CAMTA1: variants seen among roughly 807,000 people sequenced by gnomAD.
The protein encoded by CAMTA1 is calmodulin-binding transcription activator 1.
Under a neutral mutation model 170.9 loss-of-function variants are expected in CAMTA1, and 27 were observed. The observed-to-expected ratio is 0.16, with a 90% CI of 0.12 to 0.22. The LOEUF (loss-of-function observed/expected upper bound fraction) is 0.22, where lower values mean the gene tolerates loss of function less well. Among genes scored for constraint, CAMTA1 ranks in the 10% least tolerant of loss-of-function variants. The pLI, the probability that CAMTA1 is intolerant of heterozygous loss-of-function variation, is 1.00. For synonymous variants in CAMTA1, 833 were observed against 891.5 expected (o/e 0.93, Z 1.17); for missense variants, 1,619 against 2,217.2 (o/e 0.73, Z 5.42).
Position 6,918,618 on chromosome 1 carries a change from C to T in CAMTA1, c.234+93408C>T, listed in dbSNP as rs757902228. Among the ~76,000 whole-genome samples, 5 of 152,228 alleles carry T rather than the reference C, an allele frequency of 3.3e-5. No homozygotes were observed. Among genetic ancestry groups the T allele is most frequent in the Non-Finnish European group, 4.4e-5 (3 of 68,038 alleles). On this transcript the variant is annotated intron_variant, in intron 3 of 22. Coordinates refer to ENST00000303635, the MANE Select transcript of CAMTA1 (RefSeq NM_015215.4). The surrounding 1 kb of genome is among the most constrained non-coding windows in gnomAD (Gnocchi z 4.0). ...AGCCTGCCTTGCCGACAGCACCTCC[C>T]GAGGAACTCAGAACTTCCCCCGTGG...
chr1:7,768,231 G>T lies in CAMTA1; in HGVS notation c.*1740G>T, dbSNP rs200009339. The stretch of plus-strand genomic sequence containing the variant: ...AATAAAATTGCACAAAAAAAAAAAT[G>T]AAAAAGATGCAGACTGGTCTTTTAG... On this transcript the variant is annotated 3_prime_UTR_variant, in exon 23 of 23. Coordinates refer to ENST00000303635, the MANE Select transcript of CAMTA1 (RefSeq NM_015215.4). 1 of 147,742 alleles carries T rather than the reference G, an allele frequency of 6.8e-6. No homozygotes were observed. The highest frequency in any genetic ancestry group is 2.5e-5 in the African/African-American group (1 of 40,026). The allele number at this position is 147,742 out of a possible 1,614,324, so 9.2% of individuals were successfully genotyped here. A position where few individuals can be genotyped will look rare whatever the true frequency, so the allele number is the denominator to read the frequency against.
At position 7,065,141 on chromosome 1, in the gene CAMTA1, G is replaced by T. The variant is rs1032167873; in HGVS notation, c.235-26163G>T. Among the ~76,000 whole-genome samples the T allele has an allele frequency of 6.6e-6, 1 of 152,172 alleles. No homozygotes were observed. The highest frequency in any genetic ancestry group is 1.5e-5 in the Non-Finnish European group (1 of 68,040). On this transcript the variant is annotated intron_variant, in intron 3 of 22. Transcript: ENST00000303635. This position sits in a 1 kb window ranked among gnomAD's most constrained non-coding sequence, Gnocchi z 5.2. ...GGCCACATAGGCTAGCAGATCCTGG[G>T]CCAGGAGCTCCCAGAAGGACCTAGG...
intron 11 of CAMTA1, among the ~76,000 whole-genome samples, chr1:7,728,646 G>T (rs2096709320): frequency 6.6e-6 from 1 of 152,238 alleles, no homozygotes; most frequent in African/African-American, 2.4e-5. Context: ...ATCAATGGTT[G>T]TCTGGCTTAG....
At chr1:7,417,188 TG>T (rs1331209821) in intron 5 of CAMTA1, among the ~76,000 whole-genome samples, 1 of 152,246 alleles carries the variant, frequency 6.6e-6, no homozygotes, top group Non-Finnish European at 1.5e-5. Context: ...CTGCCCCTAC[TG>T]GGGGGTGCCT....
At chr1:7,722,590 G>A (rs536664565) in intron 11 of CAMTA1, among the ~76,000 whole-genome samples, 28 of 152,194 alleles carry the variant, frequency 1.8e-4, no homozygotes, top group Admixed American at 1.1e-3. Context: ...TGGAAACTAA[G>A]AATTGAAGTA....
At chr1:7,260,541 A>AG (rs1668014363) in intron 5 of CAMTA1, among the ~76,000 whole-genome samples, 1 of 152,236 alleles carries the variant, frequency 6.6e-6, no homozygotes, top group East Asian at 1.9e-4. Context: ...GGGCAGGGCT[A>AG]GTCCCAGTGA....
intron 3 of CAMTA1, among the ~76,000 whole-genome samples, chr1:7,033,800 G>T (rs920256284): frequency 1.3e-5 from 2 of 151,954 alleles, no homozygotes; most frequent in Admixed American, 6.6e-5. Flanking sequence ...TACCATGTTG[G>T]CCAGGCTGGT....
chr1:7,699,919 A>G (rs1465513425), intron 11 of CAMTA1, among the ~76,000 whole-genome samples: 1 of 152,160 alleles, frequency 6.6e-6, no homozygotes, highest in Non-Finnish European at 1.5e-5. Context: ...TTTATATTTG[A>G]GATACAAGTC....
chr1:7,658,660 A>C (rs771901554), intron 7 of CAMTA1, among the ~76,000 whole-genome samples: 11 of 152,198 alleles, frequency 7.2e-5, no homozygotes, highest in Non-Finnish European at 1.0e-4. Context: ...TGCCCTGGGC[A>C]TAGGGACAGG....
chr1:7,045,873 C>G (rs1022371678), intron 3 of CAMTA1, among the ~76,000 whole-genome samples: 9 of 152,134 alleles, frequency 5.9e-5, no homozygotes, highest in African/African-American at 2.2e-4. Flanking sequence ...TCGAATGTGC[C>G]CGATTTAGAT....
At chr1:7,393,076 G>T (rs1479782318) in intron 5 of CAMTA1, among the ~76,000 whole-genome samples, 2 of 150,394 alleles carry the variant, frequency 1.3e-5, no homozygotes, top group Non-Finnish European at 3.0e-5. Context: ...AAAAGTTTTA[G>T]TTGCTCCACA....
intron 5 of CAMTA1, among the ~76,000 whole-genome samples, chr1:7,356,488 T>C (rs1297731474): frequency 6.6e-6 from 1 of 152,230 alleles, no homozygotes; most frequent in African/African-American, 2.4e-5. Context: ...CCTCAGAGCC[T>C]CTTCCTCCTG....
chr1:7,134,949 G>C (rs183747241), intron 4 of CAMTA1, among the ~76,000 whole-genome samples: 2 of 152,118 alleles, frequency 1.3e-5, no homozygotes, highest in African/African-American at 4.8e-5. Flanking sequence ...ATGGGCAAGC[G>C]ACATGATGAG....
intron 6 of CAMTA1, among the ~76,000 whole-genome samples, chr1:7,471,471 T>C (rs2093328903): frequency 6.6e-6 from 1 of 152,232 alleles, no homozygotes; most frequent in African/African-American, 2.4e-5. Flanking sequence ...AGGCCACCTC[T>C]TCCCCTCTGC....
At chr1:7,302,635 G>A (rs1674942000) in intron 5 of CAMTA1, among the ~76,000 whole-genome samples, 1 of 152,172 alleles carries the variant, frequency 6.6e-6, no homozygotes, top group Admixed American at 6.5e-5. Flanking sequence ...CCATAAACTG[G>A]GAGGAGTTGG....
At chr1:6,864,394 G>C (rs1242495501) in intron 3 of CAMTA1, among the ~76,000 whole-genome samples, 1 of 152,154 alleles carries the variant, frequency 6.6e-6, no homozygotes, top group Non-Finnish European at 1.5e-5. Context: ...TCTCCACCCA[G>C]ATGCCAATGT....
intron 9 of CAMTA1, among the ~76,000 whole-genome samples, chr1:7,669,226 C>T (rs1287199823): frequency 6.6e-6 from 1 of 152,258 alleles, no homozygotes; most frequent in Admixed American, 6.5e-5. Context: ...CAGGCCAGAG[C>T]CAGGCTCATG....
intron 3 of CAMTA1, among the ~76,000 whole-genome samples, chr1:7,003,578 C>A (rs554197227): frequency 6.6e-6 from 1 of 152,192 alleles, no homozygotes; most frequent in South Asian, 2.1e-4. Context: ...AGCGAGGGAG[C>A]TCCTGGACTT....
chr1:7,628,860 C>A (rs1215881077), intron 6 of CAMTA1, among the ~76,000 whole-genome samples: 1 of 152,212 alleles, frequency 6.6e-6, no homozygotes, highest in East Asian at 1.9e-4. Context: ...GTGAGGAGGC[C>A]ATGTGCCTAT....
Sources: gnomAD v4.1 joint callset for allele counts (sites outside exome capture counted in the v4.1 genomes callset) on GRCh38, gnomAD v4.1.1 for gene constraint, Gnocchi (gnomAD v3.1) non-coding constraint, MANE v1.5 for transcripts, NCBI Gene and HGNC (gene_info 2026-07-23, HGNC 2026-07-21) for gene names.